The following SLC24A2 variants were observed in gnomAD, a reference collection of about 807,000 sequenced individuals.
SLC24A2 encodes the protein sodium/potassium/calcium exchanger 2.
SLC24A2 carries 36 observed loss-of-function variants against 62.0 expected under a neutral mutation model. The observed-to-expected ratio is 0.58, with a 90% CI of 0.44 to 0.77. The LOEUF (loss-of-function observed/expected upper bound fraction) is 0.77. SLC24A2 is among the 30% of genes least tolerant of loss of function. The pLI, the probability that SLC24A2 is intolerant of heterozygous loss-of-function variation, is 0.00. For missense variants in SLC24A2, 846 were observed against 817.9 expected, an observed-to-expected ratio of 1.03 and a Z score of -0.42; for synonymous variants, 358 against 294.0, an observed-to-expected ratio of 1.22 and a Z score of -2.23.
chr9:19,672,226 A>G (rs540049377), intron 2 of SLC24A2, among the ~76,000 whole-genome samples: 1 of 146,142 alleles, frequency 6.8e-6, no homozygotes, highest in African/African-American at 2.7e-5. Flanking sequence ...ACTGTTTGTT[A>G]TTGGTCTGGT....
chr9:20,181,057 C>G, the SLC24A2 span, among the ~76,000 whole-genome samples: 1 of 152,022 alleles, frequency 6.6e-6, no homozygotes, highest in Non-Finnish European at 1.5e-5. Flanking sequence ...TCTTCAGAGA[C>G]AGTCCATGCA....
intron 10 of SLC24A2, among the ~76,000 whole-genome samples, chr9:19,518,381 A>G (rs1833035367): frequency 6.6e-6 from 1 of 151,840 alleles, no homozygotes; most frequent in South Asian, 2.1e-4. Flanking sequence ...TGAGTTATTG[A>G]TCTTTAAGCT....
the SLC24A2 span, among the ~76,000 whole-genome samples, chr9:20,128,896 C>CTTTG: frequency 6.6e-6 from 1 of 152,006 alleles, no homozygotes; most frequent in South Asian, 2.1e-4. Flanking sequence ...AGGACTCGTA[C>CTTTG]ATATGATGCC....
the SLC24A2 span, among the ~76,000 whole-genome samples, chr9:20,075,686 G>T: frequency 1.0e-5 from 1 of 96,408 alleles, no homozygotes; most frequent in South Asian, 3.9e-4. Flanking sequence ...CCCATGGCTT[G>T]CTTGAACAAT....
chr9:19,734,849 A>T (rs1203722660), intron 2 of SLC24A2, among the ~76,000 whole-genome samples: 6 of 152,172 alleles, frequency 3.9e-5, no homozygotes, highest in African/African-American at 7.2e-5. Flanking sequence ...CACCTTATAC[A>T]AAAATTAATT....
At chr9:19,890,278 T>C in the SLC24A2 span, among the ~76,000 whole-genome samples, 1 of 152,170 alleles carries the variant, frequency 6.6e-6, no homozygotes, top group African/African-American at 2.4e-5. Flanking sequence ...CCATATTCTA[T>C]TAGAAACAAG....
At chr9:19,580,822 G>A (rs1166336909) in intron 5 of SLC24A2, among the ~76,000 whole-genome samples, 1 of 152,120 alleles carries the variant, frequency 6.6e-6, no homozygotes, top group African/African-American at 2.4e-5. Flanking sequence ...AGTGGTATTG[G>A]CTGATCTGTT....
At chr9:20,175,622 G>T in the SLC24A2 span, among the ~76,000 whole-genome samples, 3 of 152,082 alleles carry the variant, frequency 2.0e-5, no homozygotes, top group African/African-American at 7.2e-5. Flanking sequence ...AGTGCTCTCT[G>T]TGGCTTGAAT....
At chr9:20,234,911 A>T in the SLC24A2 span, among the ~76,000 whole-genome samples, 7 of 152,190 alleles carry the variant, frequency 4.6e-5, no homozygotes, top group African/African-American at 1.7e-4. Context: ...TTTGGTGTGG[A>T]TGTCCTTTCT....
At chr9:20,207,825 GT>G in the SLC24A2 span, among the ~76,000 whole-genome samples, 7,338 of 152,286 alleles carry the variant, frequency 0.048, 590 homozygotes, top group African/African-American at 0.17. Flanking sequence ...TTATGGTCCA[GT>G]GGGGGAGAGG....
rs763914629 is a variant in SLC24A2, at chr9:19,786,277, A to G, written c.590T>C (p.Phe197Ser). 6.2e-7 allele frequency: 1 copy of G among 1,614,116 alleles called. No homozygotes were observed. Among genetic ancestry groups the G allele is most frequent in the Non-Finnish European group, 8.5e-7 (1 of 1,180,032 alleles). ...PELFTSLIGV[F>S]IAHSNVGIGT... The stretch of plus-strand genomic sequence containing the variant: ...TATGCCAACGTTGCTGTGAGCGATA[A>G]ATACCCCTATGAGAGATGTGAAAAG... Residue 197 changes from phenylalanine to serine, a missense_variant, in exon 2 of 11, where the codon TTT becomes TCT. Transcript: ENST00000341998. This position sits in a 1 kb window ranked among gnomAD's most constrained non-coding sequence, Gnocchi z 5.0.
At chr9:19,838,395 T>C in the SLC24A2 span, among the ~76,000 whole-genome samples, 2 of 151,890 alleles carry the variant, frequency 1.3e-5, no homozygotes, top group African/African-American at 4.8e-5. Flanking sequence ...GATCCCTTCC[T>C]TACACCTTAT....
At chr9:20,009,449 G>A in the SLC24A2 span, among the ~76,000 whole-genome samples, 2 of 150,948 alleles carry the variant, frequency 1.3e-5, no homozygotes, top group African/African-American at 4.9e-5. Context: ...CACAAATCTT[G>A]GTAGTTGCTC....
At chr9:20,153,584 G>T in the SLC24A2 span, among the ~76,000 whole-genome samples, 2 of 151,838 alleles carry the variant, frequency 1.3e-5, no homozygotes, top group Admixed American at 6.6e-5. Context: ...TCATCTTGAA[G>T]ATAATAAACA....
At chr9:19,597,791 G>A (rs78146167) in intron 4 of SLC24A2, among the ~76,000 whole-genome samples, 2,128 of 152,254 alleles carry the variant, frequency 0.014, 51 homozygotes, top group African/African-American at 0.049. Flanking sequence ...GAAAAACCAC[G>A]TTCTAAACTT....
the SLC24A2 span, among the ~76,000 whole-genome samples, chr9:20,117,977 C>T: frequency 1.3e-5 from 2 of 152,052 alleles, no homozygotes; most frequent in African/African-American, 2.4e-5. Flanking sequence ...CAGAGTCTGA[C>T]TGACTCTAGG....
intron 2 of SLC24A2, among the ~76,000 whole-genome samples, chr9:19,642,868 G>A (rs1193593175): frequency 6.6e-6 from 1 of 151,094 alleles, no homozygotes; most frequent in East Asian, 1.9e-4. Context: ...TTTTAGTAGA[G>A]ACGGGGTTTC....
the SLC24A2 span, among the ~76,000 whole-genome samples, chr9:20,033,373 G>A: frequency 6.6e-6 from 1 of 152,148 alleles, no homozygotes; most frequent in Non-Finnish European, 1.5e-5. Flanking sequence ...ACTTGATATG[G>A]TACCTAATAG....
At chr9:19,807,327 ACAT>A in the SLC24A2 span, among the ~76,000 whole-genome samples, 13 of 152,356 alleles carry the variant, frequency 8.5e-5, 1 homozygote, top group South Asian at 2.7e-3. Context: ...TCTGAACACG[ACAT>A]CATCTTCTAG....
Sources: allele counts gnomAD v4.1 joint callset (sites outside exome capture counted in the v4.1 genomes callset), GRCh38; gene constraint gnomAD v4.1.1; non-coding constraint Gnocchi (gnomAD v3.1); transcripts MANE v1.5; gene names NCBI Gene and HGNC (gene_info 2026-07-23, HGNC 2026-07-21).